Variants in MBNL2 observed in about 807,000 individuals in gnomAD.
MBNL2 encodes the protein muscleblind-like protein 2.
In MBNL2, 17 loss-of-function variants were observed where a neutral mutation model predicts 41.9. That is an observed-to-expected ratio of 0.41 (90% CI 0.28 to 0.61). The LOEUF (loss-of-function observed/expected upper bound fraction) is 0.61, where lower values mean the gene tolerates loss of function less well. Ranked by LOEUF, MBNL2 falls within the 20% of genes least tolerant of loss-of-function variation. MBNL2 has a pLI of 0.35. For synonymous variants in MBNL2, 195 were observed against 182.9 expected, an observed-to-expected ratio of 1.07 and a Z score of -0.53; for missense variants, 336 against 505.6, an observed-to-expected ratio of 0.66 and a Z score of 3.22.
chr13:97,339,220 AGT>A (rs371735246), intron 3 of MBNL2, among the ~76,000 whole-genome samples: 6,327 of 106,136 alleles, frequency 0.06, 201 homozygotes, highest in African/African-American at 0.18. Flanking sequence ...AGTGTATGGG[AGT>A]GTGTTGTGAA....
intron 2 of MBNL2, among the ~76,000 whole-genome samples, chr13:97,328,753 T>C (rs551624479): frequency 2.0e-5 from 3 of 152,220 alleles, no homozygotes; most frequent in Non-Finnish European, 4.4e-5. Context: ...TGCAGTTGTC[T>C]GACAGCTATT....
intron 2 of MBNL2, among the ~76,000 whole-genome samples, chr13:97,287,648 T>C (rs2152960542): frequency 6.6e-6 from 1 of 152,058 alleles, no homozygotes; most frequent in South Asian, 2.1e-4. Context: ...TGTTTTTTAT[T>C]CCAAGATTGT....
At chr13:97,187,860 G>C in the MBNL2 span, among the ~76,000 whole-genome samples, 1 of 149,368 alleles carries the variant, frequency 6.7e-6, no homozygotes, top group Non-Finnish European at 1.5e-5. Flanking sequence ...AGTGAGCTGA[G>C]ATCGCGCCAC....
the MBNL2 span, among the ~76,000 whole-genome samples, chr13:97,206,364 C>T: frequency 0.05 from 7,661 of 151,894 alleles, 257 homozygotes; most frequent in South Asian, 0.14. Flanking sequence ...ATATTAAGAT[C>T]TCTCAGCTTT....
chr13:97,191,715 T>A, the MBNL2 span, among the ~76,000 whole-genome samples: 1 of 152,202 alleles, frequency 6.6e-6, no homozygotes, highest in African/African-American at 2.4e-5. Flanking sequence ...TATTCATGAA[T>A]GGTAGCTCAA....
chr13:97,155,643 G>A, the MBNL2 span, among the ~76,000 whole-genome samples: 803 of 150,374 alleles, frequency 5.3e-3, 7 homozygotes, highest in African/African-American at 0.017. Context: ...GAGAATATGC[G>A]GTGTTTGGTT....
At chr13:97,276,760 A>C (rs1473886479) in intron 2 of MBNL2, among the ~76,000 whole-genome samples, 1 of 151,562 alleles carries the variant, frequency 6.6e-6, no homozygotes, top group Non-Finnish European at 1.5e-5. Flanking sequence ...TGAATGTGTC[A>C]CTTTTAAGTG....
At chr13:97,285,852 C>A (rs1035579778) in intron 2 of MBNL2, among the ~76,000 whole-genome samples, 7 of 152,216 alleles carry the variant, frequency 4.6e-5, no homozygotes, top group Non-Finnish European at 1.0e-4. Flanking sequence ...ACCTCATTGG[C>A]CACTCTTCTG....
At chr13:97,183,638 C>T in the MBNL2 span, among the ~76,000 whole-genome samples, 11 of 152,282 alleles carry the variant, frequency 7.2e-5, no homozygotes, top group South Asian at 4.2e-4. Flanking sequence ...CAGTTGGGTA[C>T]GCCTCCAAAA....
At chr13:97,358,735 G>A (rs899506748) in intron 7 of MBNL2, among the ~76,000 whole-genome samples, 9 of 152,178 alleles carry the variant, frequency 5.9e-5, no homozygotes, top group South Asian at 2.1e-4. Flanking sequence ...TTCAGCCCAC[G>A]ATAGTGAAAT....
intron 1 of MBNL2, among the ~76,000 whole-genome samples, chr13:97,265,862 A>G (rs189520679): frequency 6.6e-6 from 1 of 152,226 alleles, no homozygotes; most frequent in Admixed American, 6.5e-5. Context: ...AGCTATTCAG[A>G]GGCAGAGAGA....
intron 2 of MBNL2, among the ~76,000 whole-genome samples, chr13:97,310,004 T>TC (rs2058445396): frequency 1.3e-5 from 2 of 152,216 alleles, no homozygotes; most frequent in Non-Finnish European, 2.9e-5. Context: ...TGTTTGAACA[T>TC]TCATTTGAAG....
intron 8 of MBNL2, among the ~76,000 whole-genome samples, chr13:97,388,128 T>C (rs2066077978): frequency 6.6e-6 from 1 of 152,046 alleles, no homozygotes; most frequent in African/African-American, 2.4e-5. Flanking sequence ...AATGGAGAAG[T>C]TCAAAATTAA....
At chr13:97,220,422 G>T (rs1197243423), upstream of MBNL2, among the ~76,000 whole-genome samples, 2 of 152,134 alleles carry the variant, frequency 1.3e-5, no homozygotes, top group South Asian at 2.1e-4. Context: ...TAAAGGGAAA[G>T]GTAAGCTGAG....
At chr13:97,356,958 T>A (rs1430407659) in intron 6 of MBNL2, 109 bp downstream of exon 6, 3 of 574,890 alleles carry the variant, frequency 5.2e-6, no homozygotes, top group Non-Finnish European at 8.0e-6. Flanking sequence ...TATTAATTTA[T>A]GGAAAAAATC....
intron 1 of MBNL2, among the ~76,000 whole-genome samples, chr13:97,275,245 G>A (rs548631039): frequency 6.6e-6 from 1 of 152,250 alleles, no homozygotes; most frequent in South Asian, 2.1e-4. Flanking sequence ...ACATAGGAGG[G>A]ACACATCCCA....
chr13:97,326,312 G>C (rs534573667), intron 2 of MBNL2, among the ~76,000 whole-genome samples: 1 of 152,286 alleles, frequency 6.6e-6, no homozygotes, highest in South Asian at 2.1e-4. Flanking sequence ...TTATCCACCA[G>C]GCTACACTGC....
chr13:97,302,430 G>A (rs1396592959), intron 2 of MBNL2, among the ~76,000 whole-genome samples: 1 of 152,142 alleles, frequency 6.6e-6, no homozygotes, highest in Non-Finnish European at 1.5e-5. Context: ...GGAAAGCCTT[G>A]GAGCTCTCTG....
the MBNL2 span, among the ~76,000 whole-genome samples, chr13:97,208,626 A>G: frequency 6.6e-6 from 1 of 152,232 alleles, no homozygotes; most frequent in Non-Finnish European, 1.5e-5. Flanking sequence ...CAGGGACTTG[A>G]GAAATTTGGA....
Sources: allele counts gnomAD v4.1 joint callset (sites outside exome capture counted in the v4.1 genomes callset), GRCh38; gene constraint gnomAD v4.1.1; transcripts MANE v1.5; gene names NCBI Gene and HGNC (gene_info 2026-07-23, HGNC 2026-07-21).